Variants in RBFOX3 observed in about 807,000 individuals in gnomAD.
RBFOX3 encodes RNA binding fox-1 homolog 3, also known as RNA binding protein fox-1 homolog 3.
RBFOX3 carries 17 observed loss-of-function variants against 48.7 expected under a neutral mutation model. That is an observed-to-expected ratio of 0.35 (90% confidence interval 0.24 to 0.52). RBFOX3 has a LOEUF of 0.52. Ranked by LOEUF, RBFOX3 falls within the 20% of genes least tolerant of loss-of-function variation. RBFOX3 has a pLI of 0.94. For missense variants in RBFOX3, 382 were observed against 497.5 expected (o/e 0.77, Z 2.21); for synonymous variants, 212 against 209.5 (o/e 1.01, Z -0.10).
intron 4 of RBFOX3, among the ~76,000 whole-genome samples, chr17:79,145,610 C>T (rs1477746488): frequency 1.3e-5 from 2 of 152,256 alleles, no homozygotes; most frequent in Admixed American, 1.3e-4. Context: ...GCGCAGAGGC[C>T]TGCTGAGCAC....
chr17:79,229,808 C>T (rs1190815297), intron 4 of RBFOX3, among the ~76,000 whole-genome samples: 16 of 152,126 alleles, frequency 1.1e-4, no homozygotes, highest in Non-Finnish European at 1.3e-4. Flanking sequence ...TGGCCACTTC[C>T]AACGTGGGCC....
intron 4 of RBFOX3, among the ~76,000 whole-genome samples, chr17:79,124,170 G>C (rs2036537147): frequency 6.6e-6 from 1 of 152,226 alleles, no homozygotes; most frequent in Non-Finnish European, 1.5e-5. Flanking sequence ...ATCAGCCCTG[G>C]TGGGAGCATT....
intron 2 of RBFOX3, among the ~76,000 whole-genome samples, chr17:79,406,897 C>T (rs1261345390): frequency 6.6e-6 from 1 of 152,220 alleles, no homozygotes; most frequent in East Asian, 1.9e-4. Context: ...CTCCTCTATG[C>T]AGCTGAAGTG....
At chr17:79,138,033 G>A (rs2040671919) in intron 4 of RBFOX3, among the ~76,000 whole-genome samples, 1 of 152,178 alleles carries the variant, frequency 6.6e-6, no homozygotes. Context: ...CCCCCGCCAA[G>A]CACTGTCTCC....
chr17:79,476,608 G>A (rs2077798354), intron 2 of RBFOX3, among the ~76,000 whole-genome samples: 1 of 152,180 alleles, frequency 6.6e-6, no homozygotes, highest in East Asian at 1.9e-4. Flanking sequence ...GAAGGGGAAA[G>A]GAAAGAGGGG....
rs77558121 is a variant in RBFOX3, at chr17:79,125,700, C to G, written c.-33-9952G>C. Among the ~76,000 whole-genome samples, 365 of 152,348 alleles carry G rather than the reference C, an allele frequency of 2.4e-3. 1 individual carries two copies. Among genetic ancestry groups the G allele is most frequent in the African/African-American group, 8.3e-3 (345 of 41,584 alleles). On this transcript the variant is annotated intron_variant, in intron 4 of 14. Coordinates refer to ENST00000693108, the MANE Select transcript of RBFOX3 (RefSeq NM_001350451.2). Reference sequence around the variant, plus strand: ...CCTCCAGGACAATGAAGCTAATTGCCTTCAGACGGCTCCCGCCTGCGGGAA... The same window carrying G: ...CCTCCAGGACAATGAAGCTAATTGCGTTCAGACGGCTCCCGCCTGCGGGAA...
intron 4 of RBFOX3, among the ~76,000 whole-genome samples, chr17:79,173,217 T>C (rs1019427752): frequency 1.3e-5 from 2 of 151,994 alleles, no homozygotes; most frequent in African/African-American, 4.8e-5. Context: ...AATAAATAAA[T>C]AAATACATAC....
upstream of RBFOX3, among the ~76,000 whole-genome samples, chr17:79,615,722 T>C (rs386829743): frequency 0.72 from 110,030 of 152,048 alleles, 45,649 homozygotes; most frequent in Non-Finnish European, 0.92. Context: ...TACTTTGATC[T>C]ACTCTTAGCA....
intron 2 of RBFOX3, among the ~76,000 whole-genome samples, chr17:79,348,663 C>A (rs557876911): frequency 1.3e-3 from 189 of 144,952 alleles, no homozygotes; most frequent in African/African-American, 4.5e-3. Flanking sequence ...TCACTGCAAC[C>A]TCCGCCTCCT....
At chr17:79,264,168 C>G (rs180736334) in intron 3 of RBFOX3, among the ~76,000 whole-genome samples, 1 of 151,670 alleles carries the variant, frequency 6.6e-6, no homozygotes, top group Non-Finnish European at 1.5e-5. Flanking sequence ...TTTCAGCTCC[C>G]GGATTCAAGT....
chr17:79,415,129 A>G (rs1024156056), intron 2 of RBFOX3, among the ~76,000 whole-genome samples: 7 of 152,152 alleles, frequency 4.6e-5, no homozygotes, highest in South Asian at 2.1e-4. Context: ...GACTTCTGAG[A>G]CCACTTGGGG....
chr17:79,289,549 C>G (rs1218768012), intron 3 of RBFOX3, among the ~76,000 whole-genome samples: 1 of 152,208 alleles, frequency 6.6e-6, no homozygotes, highest in African/African-American at 2.4e-5. Context: ...CTGACTTCTT[C>G]CTTTTGTGTT....
Position 79,311,938 on chromosome 17 carries a change from A to C in RBFOX3, c.-174-4114T>G, listed in dbSNP as rs2076911934. On this transcript the variant is annotated intron_variant, in intron 2 of 14. Transcript: ENST00000693108. This position sits in a 1 kb window ranked among gnomAD's most constrained non-coding sequence, Gnocchi z 4.2. ...CTGTGATGAGGACAACCCAGGTGCCAGCTTCAGCTCGGGCCTGAAAATCCC... is the reference window on the plus strand; with the variant it reads ...CTGTGATGAGGACAACCCAGGTGCCCGCTTCAGCTCGGGCCTGAAAATCCC... Among the ~76,000 whole-genome samples the C allele has an allele frequency of 6.6e-6, 1 of 152,196 alleles. No homozygotes were observed. Among genetic ancestry groups the C allele is most frequent in the African/African-American group, 2.4e-5 (1 of 41,462 alleles).
At chr17:79,223,106 G>A (rs535827872) in intron 4 of RBFOX3, among the ~76,000 whole-genome samples, 27 of 152,140 alleles carry the variant, frequency 1.8e-4, no homozygotes, top group Middle Eastern at 3.4e-3. Flanking sequence ...CATCACCCTC[G>A]AAAAATGGGC....
chr17:79,097,319 G>A lies in RBFOX3; in HGVS notation c.728C>T (p.Pro243Leu), dbSNP rs1238081345. ...TCCGTAAGTCGGGATGGGGGGTGGG[G>A]GTGGCGCAGCCCGAAATGTATTATA... is the stretch of plus-strand genomic sequence containing the variant. ...AVYNTFRAAP[P>L]PPPIPTYGAA... The change falls in exon 11 of 15, where the codon CCC becomes CTC. Residue 243 changes from proline to leucine, a missense_variant. This residue lies in a region of RBFOX3 where 215 missense variants were observed against 254.8 expected (regional missense o/e 0.84). Transcript: ENST00000693108. 3 of 1,545,866 alleles carry A rather than the reference G, an allele frequency of 1.9e-6. No homozygotes were observed. Among genetic ancestry groups the A allele is most frequent in the Non-Finnish European group, 2.6e-6 (3 of 1,144,144 alleles).
intron 2 of RBFOX3, among the ~76,000 whole-genome samples, chr17:79,356,944 A>G (rs1195267788): frequency 6.6e-6 from 1 of 152,104 alleles, no homozygotes; most frequent in Admixed American, 6.5e-5. Flanking sequence ...TGGCACTGAG[A>G]TGGGACACTT....
intron 2 of RBFOX3, among the ~76,000 whole-genome samples, chr17:79,384,481 G>C (rs543585343): frequency 1.3e-5 from 2 of 152,296 alleles, no homozygotes; most frequent in South Asian, 2.1e-4. Context: ...TAAGCAGGCT[G>C]GACTCTGGAG....
chr17:79,120,254 C>G (rs1207828772), intron 4 of RBFOX3, among the ~76,000 whole-genome samples: 1 of 152,172 alleles, frequency 6.6e-6, no homozygotes, highest in Non-Finnish European at 1.5e-5. Context: ...GCACCCTGTT[C>G]TACTCAGAAG....
chr17:79,519,814 G>A (rs889822359), intron 1 of RBFOX3, among the ~76,000 whole-genome samples: 7 of 152,218 alleles, frequency 4.6e-5, no homozygotes, highest in South Asian at 4.1e-4. Flanking sequence ...GGGGGTGAGC[G>A]TCCCTGGCTG....
Sources: allele counts gnomAD v4.1 joint callset (sites outside exome capture counted in the v4.1 genomes callset), GRCh38; gene constraint gnomAD v4.1.1; regional missense constraint gnomAD v4.1.1; non-coding constraint Gnocchi (gnomAD v3.1); transcripts MANE v1.5; gene names NCBI Gene and HGNC (gene_info 2026-07-23, HGNC 2026-07-21).